TDRD7: variants seen among roughly 807,000 people sequenced by gnomAD.
The protein encoded by TDRD7 is tudor domain containing 7.
TDRD7 carries 47 observed loss-of-function variants against 109.8 expected under a neutral mutation model. The observed-to-expected ratio is 0.43, with a 90% CI of 0.34 to 0.55. The LOEUF (loss-of-function observed/expected upper bound fraction) is 0.55, where lower values mean the gene tolerates loss of function less well. TDRD7 is among the 20% of genes least tolerant of loss of function. The pLI is 0.03. For missense variants in TDRD7, 1,164 were observed against 1,319.2 expected, an observed-to-expected ratio of 0.88 and a Z score of 1.82; for synonymous variants, 424 against 457.3, an observed-to-expected ratio of 0.93 and a Z score of 0.93.
At chr9:97,468,673 CAGG>C (rs1394541107) in intron 8 of TDRD7, among the ~76,000 whole-genome samples, 1 of 152,240 alleles carries the variant, frequency 6.6e-6, no homozygotes, top group Non-Finnish European at 1.5e-5. Context: ...GTAGGAGAAA[CAGG>C]AGATGTGGTC....
In TDRD7 at chr9:97,421,166, A is replaced by G. The variant is rs572549436; in HGVS notation, c.-6-7294A>G. On this transcript the variant is annotated intron_variant, in intron 1 of 16. Transcript: ENST00000355295. ...AAAAAAAAAAAGAAATTGTCAAACT[A>G]TTTTTCAAGGTACTATTTTGCATGC... is the stretch of plus-strand genomic sequence containing the variant. 3.3e-5 allele frequency among the ~76,000 whole-genome samples: 5 copies of G among 151,548 alleles called. No homozygotes were observed. In the South Asian group the frequency reaches 8.3e-4, roughly 25 times the overall value.
intron 1 of TDRD7, among the ~76,000 whole-genome samples, chr9:97,423,874 T>C (rs1338818291): frequency 6.6e-6 from 1 of 152,094 alleles, no homozygotes; most frequent in Non-Finnish European, 1.5e-5. Flanking sequence ...ATACTTTTTA[T>C]AATATGAGTT....
At position 97,430,970 on chromosome 9, in the gene TDRD7, G is replaced by T; in HGVS notation, c.245G>T (p.Arg82Ile). ...CYAMACTETARIAQLVARQRS... is the reference protein window; with the variant it reads ...CYAMACTETAIIAQLVARQRS... The stretch of plus-strand genomic sequence containing the variant: ...GCCATGGCCTGCACAGAAACTGCAA[G>T]AATTGCTCAGCTTGTGGCTCGTCAA... The change falls in exon 3 of 17, where the codon AGA (arginine) becomes ATA (isoleucine). Residue 82 changes from arginine (R) to isoleucine (I), a missense_variant. Arg to Ile is a moderately conservative substitution (Grantham distance 97, BLOSUM62 -3). Transcript: ENST00000355295. 1 of 1,613,862 alleles carries T rather than the reference G, an allele frequency of 6.2e-7. No homozygotes were observed. The highest frequency in any genetic ancestry group is 8.5e-7 in the Non-Finnish European group (1 of 1,179,838).
intron 13 of TDRD7, 171 bp from the exon 14 acceptor site, chr9:97,480,657 G>GT: frequency 1.5e-6 from 1 of 668,676 alleles, no homozygotes; most frequent in East Asian, 2.8e-5. Flanking sequence ...TATAAATAGA[G>GT]TTAGGAACAT....
intron 5 of TDRD7, 67 bp downstream of exon 5, chr9:97,439,385 G>A: frequency 7.5e-7 from 1 of 1,334,390 alleles, no homozygotes; most frequent in Non-Finnish European, 1.1e-6. Context: ...TCTGGTGGTG[G>A]CTTTTGACAT....
At chr9:97,442,324 T>TTCTTA (rs1828320819) in intron 6 of TDRD7, among the ~76,000 whole-genome samples, 1 of 152,050 alleles carries the variant, frequency 6.6e-6, no homozygotes, top group African/African-American at 2.4e-5. Context: ...TTATATAGAG[T>TTCTTA]TCTTAATTTT....
At chr9:97,486,188 A>G (rs1329274335) in intron 15 of TDRD7, among the ~76,000 whole-genome samples, 1 of 152,204 alleles carries the variant, frequency 6.6e-6, no homozygotes, top group East Asian at 1.9e-4. Context: ...CACCTGAACT[A>G]GAGGCCAATT....
At chr9:97,495,355 T>C (rs188537396) in intron 16 of TDRD7, among the ~76,000 whole-genome samples, 2 of 152,366 alleles carry the variant, frequency 1.3e-5, no homozygotes, top group East Asian at 3.9e-4. Flanking sequence ...CTGTTATTAG[T>C]TTAAATATGC....
At chr9:97,451,549 C>G (rs572001355) in intron 6 of TDRD7, among the ~76,000 whole-genome samples, 1 of 152,334 alleles carries the variant, frequency 6.6e-6, no homozygotes. Flanking sequence ...GCCCCAGGCT[C>G]CCAAAGTGCT....
intron 11 of TDRD7, among the ~76,000 whole-genome samples, chr9:97,473,831 C>A (rs765773516): frequency 1.3e-5 from 2 of 152,138 alleles, no homozygotes; most frequent in African/African-American, 4.8e-5. Flanking sequence ...CAATGTAAAA[C>A]GAAGATAGCA....
chr9:97,490,619 TA>T (rs1164438143), intron 16 of TDRD7, among the ~76,000 whole-genome samples: 2 of 151,912 alleles, frequency 1.3e-5, no homozygotes, highest in African/African-American at 4.8e-5. Flanking sequence ...TGTGTGACAT[TA>T]ATTTGGAGAA....
intron 2 of TDRD7, among the ~76,000 whole-genome samples, chr9:97,429,084 A>C (rs755059959): frequency 1.2e-4 from 18 of 152,214 alleles, no homozygotes; most frequent in Non-Finnish European, 2.5e-4. Flanking sequence ...AATTCCTGCT[A>C]TCTGGACCTA....
intron 1 of TDRD7, 144 bp from the exon 2 acceptor site, chr9:97,428,316 C>T (rs1337267432): frequency 1.5e-5 from 12 of 807,514 alleles, no homozygotes; most frequent in African/African-American, 5.1e-5. Context: ...TTTTCTCTAC[C>T]GTGGCAGTTG....
intron 1 of TDRD7, among the ~76,000 whole-genome samples, chr9:97,423,818 C>T (rs960758870): frequency 1.3e-5 from 2 of 151,988 alleles, no homozygotes; most frequent in Non-Finnish European, 2.9e-5. Context: ...GTTCACATAT[C>T]TTTGTGTTAG....
intron 1 of TDRD7, among the ~76,000 whole-genome samples, chr9:97,423,414 T>C (rs1827930663): frequency 6.6e-6 from 1 of 151,916 alleles, no homozygotes; most frequent in South Asian, 2.1e-4. Context: ...TTTTTTTCTA[T>C]GTTTCTAGGA....
intron 4 of TDRD7, among the ~76,000 whole-genome samples, chr9:97,436,850 A>G (rs977177921): frequency 3.3e-5 from 5 of 152,156 alleles, no homozygotes; most frequent in Non-Finnish European, 7.4e-5. Flanking sequence ...TACCAGTACT[A>G]AAGCCTTATA....
chr9:97,463,460 A>G (rs776066458), intron 7 of TDRD7, among the ~76,000 whole-genome samples: 3 of 151,524 alleles, frequency 2.0e-5, no homozygotes, highest in Non-Finnish European at 4.4e-5. Context: ...CCAAGAATAC[A>G]TAGAAATAGT....
Position 97,412,937 on chromosome 9 carries a change from T to C in TDRD7, c.-7+699T>C, listed in dbSNP as rs889013258. On this transcript the variant is annotated intron_variant, in intron 1 of 16. Transcript: ENST00000355295. The surrounding 1 kb of genome is among the most constrained non-coding windows in gnomAD (Gnocchi z 4.3). ...GGAGGGAGCTTGGAGCCGGCATATCTTTCTGCTCCCATTCACTTGAGAGGT... is the reference window on the plus strand; with the variant it reads ...GGAGGGAGCTTGGAGCCGGCATATCCTTCTGCTCCCATTCACTTGAGAGGT... 6.6e-6 allele frequency among the ~76,000 whole-genome samples: 1 copy of C among 152,160 alleles called. No homozygotes were observed. Among genetic ancestry groups the C allele is most frequent in the Non-Finnish European group, 1.5e-5 (1 of 68,030 alleles).
chr9:97,469,883 C>G (rs1828882559), intron 8 of TDRD7, among the ~76,000 whole-genome samples: 1 of 152,170 alleles, frequency 6.6e-6, no homozygotes, highest in South Asian at 2.1e-4. Context: ...CAAACACAGA[C>G]CTCTGTTCAG....
Sources: allele counts gnomAD v4.1 joint callset (sites outside exome capture counted in the v4.1 genomes callset), GRCh38; gene constraint gnomAD v4.1.1; non-coding constraint Gnocchi (gnomAD v3.1); transcripts MANE v1.5; gene names NCBI Gene and HGNC (gene_info 2026-07-23, HGNC 2026-07-21).